The following DCAF6 variants were observed in gnomAD, a reference collection of about 807,000 sequenced individuals.
The protein encoded by DCAF6 is DDB1- and CUL4-associated factor 6.
A neutral mutation model predicts 125.1 loss-of-function variants in DCAF6; 54 were observed. That is an observed-to-expected ratio of 0.43 (90% CI 0.35 to 0.54). The LOEUF (loss-of-function observed/expected upper bound fraction) is 0.54, where lower values mean the gene tolerates loss of function less well. DCAF6 is among the 20% of genes least tolerant of loss of function. The pLI is 0.01. For synonymous variants in DCAF6, 371 were observed against 390.4 expected (o/e 0.95, Z 0.58); for missense variants, 934 against 1,161.7 (o/e 0.80, Z 2.85).
At chr1:167,942,387 TTAA>T (rs2102637191) in intron 1 of DCAF6, among the ~76,000 whole-genome samples, 1 of 151,484 alleles carries the variant, frequency 6.6e-6, no homozygotes, top group South Asian at 2.1e-4. Context: ...TCTCTAGTGG[TTAA>T]TGATGTTGAG....
At chr1:168,035,429 G>A (rs1012826800) in intron 12 of DCAF6, among the ~76,000 whole-genome samples, 3 of 152,092 alleles carry the variant, frequency 2.0e-5, no homozygotes, top group South Asian at 2.1e-4. Flanking sequence ...CCTGGACGAC[G>A]GAGTGAGACT....
chr1:168,067,093 G>A (rs1002313536), intron 20 of DCAF6, among the ~76,000 whole-genome samples: 4 of 152,046 alleles, frequency 2.6e-5, no homozygotes, highest in Non-Finnish European at 5.9e-5. Context: ...CTTCAACCAG[G>A]GTTTTTATTT....
the DCAF6 span, chr1:167,924,574 C>T: frequency 1.4e-6 from 2 of 1,434,058 alleles, no homozygotes; most frequent in Non-Finnish European, 1.9e-6. Flanking sequence ...CAGGAATAAA[C>T]CAAATATATT....
rs370889459 is a variant in DCAF6, at chr1:167,974,231, T to C, written c.253-599T>C. The stretch of plus-strand genomic sequence containing the variant: ...TGCCCATTAAAAAAAAATCAGGTCT[T>C]GTCAGTTATTTTTCCTCTCAATTTT... On this transcript the variant is annotated intron_variant, in intron 3 of 21. Coordinates refer to ENST00000367840, the MANE Select transcript of DCAF6 (RefSeq NM_001198956.2). Among the ~76,000 whole-genome samples, 119 of 152,260 alleles carry C rather than the reference T, an allele frequency of 7.8e-4. 1 individual carries two copies. In the South Asian group the frequency reaches 0.023, roughly 29 times the overall value.
chr1:167,871,077 G>GT, the DCAF6 span, among the ~76,000 whole-genome samples: 2 of 151,008 alleles, frequency 1.3e-5, no homozygotes, highest in Non-Finnish European at 3.0e-5. Context: ...GTTTTTTTTT[G>GT]TTTTTTGTTT....
the DCAF6 span, among the ~76,000 whole-genome samples, chr1:167,881,046 A>G: frequency 6.6e-6 from 1 of 152,222 alleles, no homozygotes; most frequent in Non-Finnish European, 1.5e-5. Context: ...ACTTCCGTTT[A>G]TCTCTCTGAA....
chr1:167,895,691 G>T, the DCAF6 span, among the ~76,000 whole-genome samples: 11 of 152,182 alleles, frequency 7.2e-5, no homozygotes, highest in Non-Finnish European at 1.3e-4. Context: ...GCGAATTCTG[G>T]CTGTTAGGTC....
chr1:167,926,936 T>A, the DCAF6 span, among the ~76,000 whole-genome samples: 3 of 152,212 alleles, frequency 2.0e-5, no homozygotes, highest in Non-Finnish European at 4.4e-5. Context: ...GCTAAATTGC[T>A]CCTTCTCTTA....
chr1:168,014,878 G>T (rs935685906), intron 10 of DCAF6, among the ~76,000 whole-genome samples: 1 of 152,100 alleles, frequency 6.6e-6, no homozygotes, highest in South Asian at 2.1e-4. Flanking sequence ...AAGCTTTCCT[G>T]AGTTGCCATA....
chr1:167,946,613 G>A (rs913326337), intron 1 of DCAF6, among the ~76,000 whole-genome samples: 4 of 151,962 alleles, frequency 2.6e-5, no homozygotes, highest in Non-Finnish European at 4.4e-5. Flanking sequence ...CTTTTTTCGC[G>A]TCTATTAAGA....
Position 168,009,428 on chromosome 1 carries a change from GTCTC to G in DCAF6, c.1378+4643_1378+4646del, listed in dbSNP as rs369658760. ...CTCTCTCTCTCTTTTGTTTCTTTCTGTCTCTCTCTCTTTCTTTCTTTCTGTCTCT... is the reference window on the plus strand; with the variant it reads ...CTCTCTCTCTCTTTTGTTTCTTTCTGTCTCTCTTTCTTTCTTTCTGTCTCT... On this transcript the variant is annotated intron_variant, in intron 10 of 21. Transcript: ENST00000367840. Among the ~76,000 whole-genome samples the G allele has an allele frequency of 1.3e-3, 127 of 98,840 alleles. 3 individuals carry two copies. In the South Asian group the frequency reaches 0.026, roughly 20 times the overall value. The allele number at this position is 98,840 out of a possible 152,430, so 64.8% of individuals were successfully genotyped here. A position where few individuals can be genotyped will look rare whatever the true frequency, so the allele number is the denominator to read the frequency against.
chr1:167,880,326 A>G, the DCAF6 span: 8 of 1,002,752 alleles, frequency 8.0e-6, no homozygotes, highest in Admixed American at 5.8e-5. Context: ...GAATTAGTTT[A>G]TGGCATTTCT....
chr1:167,864,167 C>T, the DCAF6 span, among the ~76,000 whole-genome samples: 1 of 152,132 alleles, frequency 6.6e-6, no homozygotes, highest in East Asian at 1.9e-4. Context: ...GTGTAAACTG[C>T]AAAAGTGTGT....
At chr1:167,951,981 T>C in intron 2 of DCAF6, 120 bp downstream of exon 2, 1 of 571,600 alleles carries the variant, frequency 1.7e-6, no homozygotes, top group East Asian at 3.1e-5. Flanking sequence ...AGAATAAAGT[T>C]TTACATTAAA....
intron 2 of DCAF6, among the ~76,000 whole-genome samples, chr1:167,955,810 G>A (rs918742212): frequency 3.1e-4 from 47 of 152,236 alleles, no homozygotes; most frequent in Admixed American, 1.3e-3. Context: ...TCCCAGATTG[G>A]AGTGCAGTGG....
rs188851105 is a variant in DCAF6 at position 167,990,104 on chromosome 1, T to C, written c.553-1100T>C. On this transcript the variant is annotated intron_variant, in intron 5 of 21. Transcript: ENST00000367840. ...TTTTATAAGTAAAAAGTATAAAATATAGAAGTCAGTTAATTTTTTGTTATA... is the reference window on the plus strand; with the variant it reads ...TTTTATAAGTAAAAAGTATAAAATACAGAAGTCAGTTAATTTTTTGTTATA... Among the ~76,000 whole-genome samples, 6 of 152,286 alleles carry C rather than the reference T, an allele frequency of 3.9e-5. No individual in the cohort carries two copies. The East Asian group carries it at 5.8e-4, about 15-fold the overall frequency.
chr1:167,981,829 C>G (rs1018600198), intron 4 of DCAF6, among the ~76,000 whole-genome samples: 1 of 152,142 alleles, frequency 6.6e-6, no homozygotes, highest in African/African-American at 2.4e-5. Flanking sequence ...AATAGTGCTG[C>G]GATGAACATG....
rs2103018919 is a variant in DCAF6 at position 167,993,253 on chromosome 1, G to T, written c.716G>T (p.Gly239Val). The T allele has an allele frequency of 6.2e-7, 1 of 1,613,932 alleles. No homozygotes were observed. Among genetic ancestry groups the T allele is most frequent in the East Asian group, 2.2e-5 (1 of 44,880 alleles). The stretch of plus-strand genomic sequence containing the variant: ...AATTATGCAGGTCGAGGGACTACTG[G>T]AATGGTTGCCCGTTTTATTCCTTCC... ...TGNYAGRGTT[G>V]MVARFIPSHL... Residue 239 changes from glycine to valine, a missense_variant, in exon 7 of 22, where the codon GGA becomes GTA. Coordinates refer to ENST00000367840, the MANE Select transcript of DCAF6 (RefSeq NM_001198956.2).
At chr1:167,901,922 C>T in the DCAF6 span, 5 of 1,605,826 alleles carry the variant, frequency 3.1e-6, no homozygotes, top group South Asian at 4.4e-5. Context: ...CCTGGCCACT[C>T]CCTTCTCTAG....
Sources: allele counts gnomAD v4.1 joint callset (sites outside exome capture counted in the v4.1 genomes callset), GRCh38; gene constraint gnomAD v4.1.1; transcripts MANE v1.5; gene names NCBI Gene and HGNC (gene_info 2026-07-23, HGNC 2026-07-21).